Variants in CEP68 observed in about 807,000 individuals in gnomAD.
CEP68 encodes centrosomal protein of 68 kDa.
A neutral mutation model predicts 55.3 loss-of-function variants in CEP68; 26 were observed. The ratio of observed to expected loss-of-function variants is 0.47; its 90% CI spans 0.34 to 0.65. The LOEUF (loss-of-function observed/expected upper bound fraction) is 0.65. CEP68 is among the 30% of genes least tolerant of loss of function. CEP68 has a pLI of 0.01. For missense variants in CEP68, 957 were observed against 946.7 expected (o/e 1.01, Z -0.14); for synonymous variants, 402 against 383.2 (o/e 1.05, Z -0.57).
At chr2:65,067,730 T>A (rs1046190913) in intron 1 of CEP68, among the ~76,000 whole-genome samples, 1 of 152,196 alleles carries the variant, frequency 6.6e-6, no homozygotes, top group African/African-American at 2.4e-5. Flanking sequence ...GAGACTTACA[T>A]CTGCTGTGCA....
chr2:65,056,478 A>T lies in CEP68; in HGVS notation c.-97A>T, dbSNP rs944058658. On this transcript the variant is annotated 5_prime_UTR_variant, in exon 1 of 7. An upstream start codon of the reference 5' UTR is lost. Transcript: ENST00000377990. ...GGGTCCGCCAGCTCGGGGCCAGCGC[A>T]TGGGGCTGCTGAGACCGCTCCGGAC... 3.3e-5 allele frequency: 5 copies of T among 152,474 alleles called. No individual in the cohort carries two copies. Among genetic ancestry groups the T allele is most frequent in the Admixed American group, 1.3e-4 (2 of 15,292 alleles). The allele number at this position is 152,474 out of a possible 1,614,324, so 9.4% of individuals were successfully genotyped here.
rs760809283 is a variant in CEP68 at position 65,072,840 on chromosome 2, G to A, written c.1744G>A (p.Val582Ile). ...GSLGSSQALG[V>I]SSGLLKTRPS... ...TCTGGGGAGCAGCCAGGCCCTCGGG[G>A]TCTCCTCTGGACTGCTGAAAACACG... Residue 582 changes from valine (V) to isoleucine (I), a missense_variant, in exon 3 of 7, where the codon GTC (valine) becomes ATC (isoleucine). By Grantham distance (29) the Val-to-Ile change is conservative (BLOSUM62 3). Coordinates refer to ENST00000377990, the MANE Select transcript of CEP68 (RefSeq NM_015147.3). 1 of 1,614,184 alleles carries A rather than the reference G, an allele frequency of 6.2e-7. No homozygotes were observed. Among genetic ancestry groups the A allele is most frequent in the Admixed American group, 1.7e-5 (1 of 60,018 alleles).
intron 2 of CEP68, among the ~76,000 whole-genome samples, chr2:65,070,395 G>T (rs1676403507): frequency 6.6e-6 from 1 of 152,084 alleles, no homozygotes; most frequent in South Asian, 2.1e-4. Context: ...GATCTTTCAG[G>T]CCCTCAGTAT....
At chr2:65,073,002 A>C in intron 3 of CEP68, 22 bp downstream of exon 3, 1 of 1,613,314 alleles carries the variant, frequency 6.2e-7, no homozygotes, top group Non-Finnish European at 8.5e-7. Flanking sequence ...CAACGTTAGG[A>C]AGCTTTGTGT....
Position 65,072,697 on chromosome 2 carries a change from C to G in CEP68, c.1601C>G (p.Ser534Cys). 6.2e-7 allele frequency: 1 copy of G among 1,614,152 alleles called. No homozygotes were observed. Among genetic ancestry groups the G allele is most frequent in the Non-Finnish European group, 8.5e-7 (1 of 1,180,032 alleles). Residue 534 changes from serine to cysteine, a missense_variant, in exon 3 of 7, where the codon TCC (serine) becomes TGC (cysteine). Ser to Cys is a moderately radical substitution (Grantham distance 112, BLOSUM62 -1). Transcript: ENST00000377990. ...GGGCCAGCTTCCTTCCCTTCAAGCTCCAGCCAAAGCCAGCTTCCCCCTGGA... is the reference window on the plus strand; with the variant it reads ...GGGCCAGCTTCCTTCCCTTCAAGCTGCAGCCAAAGCCAGCTTCCCCCTGGA... The part of the protein sequence containing the change: ...SDGPASFPSS[S>C]SQSQLPPGAA...
chr2:65,078,633 C>T (rs1187144195), intron 5 of CEP68, among the ~76,000 whole-genome samples: 1 of 152,180 alleles, frequency 6.6e-6, no homozygotes, highest in Non-Finnish European at 1.5e-5. Flanking sequence ...CACCTGCCTC[C>T]CAGGTTCAAG....
chr2:65,079,700 G>A (rs555646550), intron 5 of CEP68, among the ~76,000 whole-genome samples: 8 of 152,218 alleles, frequency 5.3e-5, no homozygotes, highest in African/African-American at 1.7e-4. Context: ...CCTGTGAGAT[G>A]GATAGTTGTG....
chr2:65,081,075 G>A (rs1274869017), intron 5 of CEP68, among the ~76,000 whole-genome samples: 1 of 152,072 alleles, frequency 6.6e-6, no homozygotes, highest in Non-Finnish European at 1.5e-5. Context: ...GCCGGGCGTG[G>A]TGGTGGGCGC....
intron 4 of CEP68, 38 bp from the exon 5 acceptor site, chr2:65,077,830 C>G (rs377568170): frequency 6.7e-7 from 1 of 1,488,346 alleles, no homozygotes; most frequent in Non-Finnish European, 9.3e-7. Flanking sequence ...ACAATAGTAA[C>G]GAAGCTTCTG....
intron 3 of CEP68, chr2:65,074,043 C>A: frequency 2.1e-6 from 1 of 470,238 alleles, no homozygotes; most frequent in Non-Finnish European, 3.9e-6. Context: ...TGCTCCATTC[C>A]TACCTGCAAG....
intron 1 of CEP68, among the ~76,000 whole-genome samples, chr2:65,057,818 T>C (rs972875022): frequency 1.3e-5 from 2 of 152,116 alleles, no homozygotes; most frequent in Non-Finnish European, 2.9e-5. Flanking sequence ...TTACTAACTC[T>C]GATTAATTTT....
chr2:65,066,084 A>G (rs1408335198), intron 1 of CEP68, among the ~76,000 whole-genome samples: 1 of 152,112 alleles, frequency 6.6e-6, no homozygotes, highest in Non-Finnish European at 1.5e-5. Context: ...GCAGGACTTC[A>G]TCCCATGGCA....
intron 5 of CEP68, among the ~76,000 whole-genome samples, chr2:65,080,775 G>A (rs1290735572): frequency 1.3e-5 from 2 of 151,734 alleles, no homozygotes; most frequent in African/African-American, 4.8e-5. Flanking sequence ...CCGAGATCAC[G>A]CCACTGTACT....
intron 2 of CEP68, among the ~76,000 whole-genome samples, chr2:65,070,133 T>G (rs1229341612): frequency 6.6e-6 from 1 of 152,150 alleles, no homozygotes; most frequent in Non-Finnish European, 1.5e-5. Context: ...ACTTGGTGAT[T>G]AAAGGCTTTA....
At position 65,080,359 on chromosome 2, in the gene CEP68, C is replaced by G. The variant is rs1175784652; in HGVS notation, c.2105-2177C>G. 4 of 985,136 alleles carry G rather than the reference C, an allele frequency of 4.1e-6. No individual in the cohort carries two copies. The Admixed American group carries it at 2.5e-4, about 61-fold the overall frequency. The allele number at this position is 985,136 out of a possible 1,614,324, so 61.0% of individuals were successfully genotyped here. A position where few individuals can be genotyped will look rare whatever the true frequency, so the allele number is the denominator to read the frequency against. ...ATAATCAGGAATGTGGCTGTTTCCCCCTTGAGACGTCAGTGTCTGTCTCCA... is the reference window on the plus strand; with the variant it reads ...ATAATCAGGAATGTGGCTGTTTCCCGCTTGAGACGTCAGTGTCTGTCTCCA... On this transcript the variant is annotated intron_variant, in intron 5 of 6. Transcript: ENST00000377990.
chr2:65,082,714 G>A lies in CEP68; in HGVS notation c.*4+5G>A. On this transcript the variant is annotated splice_donor_5th_base_variant and intron_variant, in intron 6 of 6. Coordinates refer to ENST00000377990, the MANE Select transcript of CEP68 (RefSeq NM_015147.3). ...CATGTGAAGGGGTTTAACCTGGTAA[G>A]TGGAGGAACTCAAAAAGAAAATTTG... The A allele has an allele frequency of 6.5e-7, 1 of 1,539,476 alleles. No individual in the cohort carries two copies. Among genetic ancestry groups the A allele is most frequent in the Non-Finnish European group, 8.7e-7 (1 of 1,149,468 alleles).
rs781633615 is a variant in CEP68 at position 65,073,151 on chromosome 2, G to C, written c.1884+171G>C. On this transcript the variant is annotated intron_variant, in intron 3 of 6. Coordinates refer to ENST00000377990, the MANE Select transcript of CEP68 (RefSeq NM_015147.3). ...TCACAACTTTTACCAGGTAAGCACT[G>C]TTCTCATTTTACTTTTTGGAGGAAA... is the stretch of plus-strand genomic sequence containing the variant. The C allele has an allele frequency of 3.8e-6, 3 of 792,034 alleles. No individual in the cohort carries two copies. The South Asian group carries it at 4.4e-5, about 12-fold the overall frequency. The allele number at this position is 792,034 out of a possible 1,614,324, so 49.1% of individuals were successfully genotyped here. A position where few individuals can be genotyped will look rare whatever the true frequency, so the allele number is the denominator to read the frequency against.
chr2:65,074,295 A>G lies in CEP68; in HGVS notation c.1898A>G (p.Gln633Arg), dbSNP rs1676654724. Residue 633 changes from glutamine (Q) to arginine (R), a missense_variant, in exon 4 of 7, where the codon CAG (glutamine) becomes CGG (arginine). Coordinates refer to ENST00000377990, the MANE Select transcript of CEP68 (RefSeq NM_015147.3). ...TTGTCTCTGCAGACATTTTGCTGTC[A>G]GCTGGAAGAGCTGATCTGCTGGCTG... ...LVQCVKTFCC[Q>R]LEELICWLYN... The G allele has an allele frequency of 6.2e-7, 1 of 1,614,084 alleles. No homozygotes were observed. Among genetic ancestry groups the G allele is most frequent in the Admixed American group, 1.7e-5 (1 of 60,008 alleles).
chr2:65,071,103 A>T (rs1558560832), intron 2 of CEP68: 1 of 283,434 alleles, frequency 3.5e-6, no homozygotes, highest in East Asian at 8.4e-5. Flanking sequence ...AGAGTGATTG[A>T]GGGTTTCATC....
Sources: allele counts gnomAD v4.1 joint callset (sites outside exome capture counted in the v4.1 genomes callset), GRCh38; gene constraint gnomAD v4.1.1; transcripts MANE v1.5; gene names NCBI Gene and HGNC (gene_info 2026-07-23, HGNC 2026-07-21).